HEATR5B: variants seen among roughly 807,000 people sequenced by gnomAD.
HEATR5B encodes the protein HEAT repeat-containing protein 5B.
A neutral mutation model predicts 224.1 loss-of-function variants in HEATR5B; 156 were observed. The ratio of observed to expected loss-of-function variants is 0.70; its 90% confidence interval spans 0.61 to 0.80. The LOEUF (loss-of-function observed/expected upper bound fraction) is 0.80. Among genes scored for constraint, HEATR5B ranks in the 30% least tolerant of loss-of-function variants. The pLI is 0.00. For synonymous variants in HEATR5B, 1,027 were observed against 893.0 expected (o/e 1.15, Z -2.68); for missense variants, 2,323 against 2,535.5 (o/e 0.92, Z 1.80).
intron 35 of HEATR5B, among the ~76,000 whole-genome samples, chr2:36,987,389 A>G (rs1404391692): frequency 1.3e-5 from 2 of 150,392 alleles, no homozygotes; most frequent in Admixed American, 1.3e-4. Flanking sequence ...AGATCGTGCC[A>G]CCGCACTCCA....
chr2:37,056,744 A>C (rs1670936661), intron 15 of HEATR5B, 129 bp from the exon 16 acceptor site: 5 of 717,880 alleles, frequency 7.0e-6, no homozygotes, highest in African/African-American at 1.8e-5. Context: ...TTGGATCCGA[A>C]CATTTGAAAA....
chr2:36,984,333 G>C (rs556839700), intron 35 of HEATR5B, among the ~76,000 whole-genome samples: 46 of 149,448 alleles, frequency 3.1e-4, no homozygotes, highest in Non-Finnish European at 5.0e-4. Context: ...TTTCTACCTG[G>C]ATTCTTTTAT....
Position 37,083,446 on chromosome 2 carries a change from A to T in HEATR5B, c.-22-10T>A, listed in dbSNP as rs368810159. ...AGTTTGAAATTCACACCTTAAATTT[A>T]ACAGAGTAAAAAATACTTGTAAGTA... On this transcript the variant is annotated splice_polypyrimidine_tract_variant and intron_variant, in intron 1 of 35. Coordinates refer to ENST00000233099, the MANE Select transcript of HEATR5B (RefSeq NM_019024.3). The T allele has an allele frequency of 1.9e-6, 3 of 1,581,972 alleles. No individual in the cohort carries two copies. Among genetic ancestry groups the T allele is most frequent in the African/African-American group, 1.4e-5 (1 of 73,730 alleles).
chr2:37,055,547 G>C (rs1016007243), intron 16 of HEATR5B, among the ~76,000 whole-genome samples: 25 of 152,080 alleles, frequency 1.6e-4, no homozygotes, highest in Non-Finnish European at 1.0e-4. Flanking sequence ...AAAGATATTT[G>C]GGTAAAGTTT....
At chr2:37,064,335 G>A (rs1402396852) in intron 10 of HEATR5B, among the ~76,000 whole-genome samples, 1 of 140,328 alleles carries the variant, frequency 7.1e-6, no homozygotes, top group African/African-American at 2.7e-5. Context: ...CACCCAGGCT[G>A]AAGGACAGTG....
At chr2:37,004,073 T>C (rs111685094) in intron 30 of HEATR5B, among the ~76,000 whole-genome samples, 4 of 152,196 alleles carry the variant, frequency 2.6e-5, no homozygotes, top group Non-Finnish European at 5.9e-5. Flanking sequence ...TAGAAATCTC[T>C]GGTGAGTTCC....
chr2:37,080,642 T>C (rs892789350), intron 2 of HEATR5B, among the ~76,000 whole-genome samples: 3 of 152,156 alleles, frequency 2.0e-5, no homozygotes, highest in Non-Finnish European at 4.4e-5. Flanking sequence ...AGAATTTGGT[T>C]TGGGTATGTT....
intron 33 of HEATR5B, among the ~76,000 whole-genome samples, chr2:36,995,288 A>C (rs1199943797): frequency 1.3e-5 from 2 of 151,458 alleles, no homozygotes; most frequent in Non-Finnish European, 2.9e-5. Flanking sequence ...ACGGGTTTTC[A>C]CCATATTGGC....
At chr2:37,071,630 T>C (rs1572937066) in intron 6 of HEATR5B, among the ~76,000 whole-genome samples, 1 of 152,096 alleles carries the variant, frequency 6.6e-6, no homozygotes, top group Non-Finnish European at 1.5e-5. Flanking sequence ...ATCCTGTACA[T>C]TATCATCACA....
At chr2:37,008,924 TAC>T (rs1270050888) in intron 27 of HEATR5B, 76 bp from the exon 28 acceptor site, 1 of 960,184 alleles carries the variant, frequency 1.0e-6, no homozygotes, top group Non-Finnish European at 1.6e-6. Flanking sequence ...ATTATAAAAA[TAC>T]AGTTAAATCA....
intron 2 of HEATR5B, among the ~76,000 whole-genome samples, chr2:37,079,832 T>A (rs1235860649): frequency 6.6e-6 from 1 of 152,170 alleles, no homozygotes; most frequent in Non-Finnish European, 1.5e-5. Flanking sequence ...ATTCAAACAA[T>A]ATTTATTATG....
At chr2:37,019,328 T>G (rs1668319964) in intron 26 of HEATR5B, among the ~76,000 whole-genome samples, 1 of 152,176 alleles carries the variant, frequency 6.6e-6, no homozygotes, top group South Asian at 2.1e-4. Flanking sequence ...TCATAATGTG[T>G]GGTCAAAAAC....
chr2:37,044,157 G>A (rs1670043845), intron 18 of HEATR5B, among the ~76,000 whole-genome samples: 1 of 152,064 alleles, frequency 6.6e-6, no homozygotes, highest in Non-Finnish European at 1.5e-5. Context: ...ATCAATTTGG[G>A]CAAGATACAT....
At chr2:37,027,515 C>T (rs1668855842) in intron 24 of HEATR5B, among the ~76,000 whole-genome samples, 1 of 152,218 alleles carries the variant, frequency 6.6e-6, no homozygotes, top group African/African-American at 2.4e-5. Flanking sequence ...TCTACCAGTG[C>T]ATTCATGAAT....
rs1013140383 is a variant in HEATR5B at position 37,064,856 on chromosome 2, G to A, written c.1468C>T (p.Arg490Trp). 1.4e-5 allele frequency: 22 copies of A among 1,614,036 alleles called. No individual in the cohort carries two copies. Among genetic ancestry groups the A allele is most frequent in the South Asian group, 2.2e-5 (2 of 91,072 alleles). ...LTPFLDRCAE[R>W]LNNLKTSPEA... Reference sequence around the variant, plus strand: ...GGTGAGGTCTTCAAGTTGTTGAGCCGTTCTGCACACCTGTCTAGAAATGGT... The same window carrying A: ...GGTGAGGTCTTCAAGTTGTTGAGCCATTCTGCACACCTGTCTAGAAATGGT... Residue 490 changes from arginine (R) to tryptophan (W), a missense_variant, in exon 10 of 36, where the codon CGG becomes TGG. Physicochemically the swap from Arg to Trp is moderately radical, Grantham distance 101. This residue lies in a region of HEATR5B where 502 missense variants were observed against 517.8 expected (regional missense o/e 0.97). Coordinates refer to ENST00000233099, the MANE Select transcript of HEATR5B (RefSeq NM_019024.3).
chr2:37,005,921 A>C (rs936239630), intron 29 of HEATR5B, among the ~76,000 whole-genome samples, 162 bp from the exon 30 acceptor site: 2 of 152,108 alleles, frequency 1.3e-5, no homozygotes, highest in African/African-American at 4.8e-5. Context: ...AAACAGCCAA[A>C]CTCAACATAA....
At chr2:37,046,330 G>A (rs1167487530) in intron 18 of HEATR5B, among the ~76,000 whole-genome samples, 2 of 152,040 alleles carry the variant, frequency 1.3e-5, no homozygotes, top group Non-Finnish European at 2.9e-5. Context: ...CCAGACTTCT[G>A]GCAACCTCAT....
At chr2:36,989,989 C>T (rs1298506047) in intron 34 of HEATR5B, among the ~76,000 whole-genome samples, 1 of 149,290 alleles carries the variant, frequency 6.7e-6, no homozygotes, top group Non-Finnish European at 1.5e-5. Flanking sequence ...ACTCACTCCA[C>T]CTCCTGGGTT....
chr2:37,025,995 C>T (rs1020272792), intron 24 of HEATR5B, among the ~76,000 whole-genome samples: 1 of 152,196 alleles, frequency 6.6e-6, no homozygotes, highest in East Asian at 1.9e-4. Flanking sequence ...TGTTACCTTG[C>T]AGGGCAAAAG....
Sources: gnomAD v4.1 joint callset for allele counts (sites outside exome capture counted in the v4.1 genomes callset) on GRCh38, gnomAD v4.1.1 for gene constraint, gnomAD v4.1.1 regional missense constraint, MANE v1.5 for transcripts, NCBI Gene and HGNC (gene_info 2026-07-23, HGNC 2026-07-21) for gene names.